Variants in QTGAL observed in about 807,000 individuals in gnomAD.
QTGAL encodes the protein queuosine-tRNA galactosyltransferase.
chr17:83,037,762 G>A, the QTGAL span, among the ~76,000 whole-genome samples: 1 of 152,214 alleles, frequency 6.6e-6, no homozygotes, highest in African/African-American at 2.4e-5. The surrounding 1 kb of genome is among the most constrained non-coding windows in gnomAD (Gnocchi z 5.2). Flanking sequence ...AAGGGTATCC[G>A]TGAGCCTGGG....
chr17:83,036,385 G>A, the QTGAL span, among the ~76,000 whole-genome samples: 1 of 152,232 alleles, frequency 6.6e-6, no homozygotes, highest in Non-Finnish European at 1.5e-5. Context: ...AGGGGCCTGA[G>A]GGGGCTTCTG....
At chr17:83,047,052 A>G in the QTGAL span, among the ~76,000 whole-genome samples, 2 of 152,238 alleles carry the variant, frequency 1.3e-5, no homozygotes, top group African/African-American at 4.8e-5. Context: ...AGTGGTTGCC[A>G]GGGTTGGAAG....
At chr17:82,970,548 C>A in the QTGAL span, among the ~76,000 whole-genome samples, 7 of 125,590 alleles carry the variant, frequency 5.6e-5, no homozygotes, top group African/African-American at 1.9e-4. Context: ...ACCTCCGCAC[C>A]CGGCGTGGCC....
At chr17:83,007,636 A>G in the QTGAL span, among the ~76,000 whole-genome samples, 1 of 151,930 alleles carries the variant, frequency 6.6e-6, no homozygotes, top group African/African-American at 2.4e-5. Flanking sequence ...GGGGCATGAG[A>G]GGCGCCTCTC....
At chr17:82,990,000 A>T in the QTGAL span, among the ~76,000 whole-genome samples, 1 of 152,214 alleles carries the variant, frequency 6.6e-6, no homozygotes, top group South Asian at 2.1e-4. Flanking sequence ...TTCTTTTAAG[A>T]CATGGCTTCC....
the QTGAL span, among the ~76,000 whole-genome samples, chr17:83,032,375 C>A: frequency 1.6e-5 from 2 of 121,302 alleles, 1 homozygote; most frequent in Non-Finnish European, 3.5e-5. Flanking sequence ...AGGCCTCCGA[C>A]CCAGACCGAG....
the QTGAL span, among the ~76,000 whole-genome samples, chr17:83,051,561 C>A: frequency 6.6e-6 from 1 of 152,152 alleles, no homozygotes; most frequent in Non-Finnish European, 1.5e-5. Flanking sequence ...GTCCCCCGCA[C>A]GCGCAGCCGC....
chr17:83,025,165 CG>C, the QTGAL span, among the ~76,000 whole-genome samples: 36 of 99,788 alleles, frequency 3.6e-4, 4 homozygotes, highest in Middle Eastern at 5.7e-3. Flanking sequence ...ACAGACACCG[CG>C]GAGTCCACAC....
At chr17:83,041,798 G>A in the QTGAL span, among the ~76,000 whole-genome samples, 1 of 152,216 alleles carries the variant, frequency 6.6e-6, no homozygotes, top group South Asian at 2.1e-4. Context: ...ATCACAGGCT[G>A]GGGGCCATCT....
At chr17:83,005,156 G>A in the QTGAL span, 255 of 1,610,572 alleles carry the variant, frequency 1.6e-4, 1 homozygote, top group Non-Finnish European at 2.0e-4. This position sits in a 1 kb window ranked among gnomAD's most constrained non-coding sequence, Gnocchi z 5.6. Context: ...TTGATCCAAC[G>A]TGTGTATCGT....
the QTGAL span, among the ~76,000 whole-genome samples, chr17:82,984,709 G>A: frequency 6.6e-6 from 1 of 152,168 alleles, no homozygotes; most frequent in Non-Finnish European, 1.5e-5. Context: ...AATGTCTGTT[G>A]TTTAAGCTGC....
chr17:82,944,487 A>C, the QTGAL span: 1 of 152,288 alleles, frequency 6.6e-6, no homozygotes, highest in African/African-American at 2.4e-5. Context: ...CTATGAACAA[A>C]GATAAAGTGG....
the QTGAL span, among the ~76,000 whole-genome samples, chr17:83,031,675 G>A: frequency 2.0e-5 from 3 of 152,370 alleles, no homozygotes; most frequent in South Asian, 4.1e-4. Context: ...TGACGAGAAC[G>A]GTGTGCAGGG....
the QTGAL span, among the ~76,000 whole-genome samples, chr17:82,958,878 C>T: frequency 2.1e-5 from 1 of 46,824 alleles, no homozygotes; most frequent in African/African-American, 1.1e-4. Context: ...TGTGTGTGTA[C>T]ACTGGGGGTG....
At chr17:82,961,348 C>A in the QTGAL span, 1 of 658,742 alleles carries the variant, frequency 1.5e-6, no homozygotes, top group Non-Finnish European at 2.2e-6. Context: ...GCGGCGACCA[C>A]AACAGACGTG....
chr17:83,036,312 C>T, the QTGAL span, among the ~76,000 whole-genome samples: 9 of 152,178 alleles, frequency 5.9e-5, no homozygotes, highest in African/African-American at 1.4e-4. Context: ...CGAGGGCAGC[C>T]GAAATTCTTC....
the QTGAL span, chr17:82,978,777 C>G: frequency 6.6e-6 from 1 of 152,114 alleles, no homozygotes; most frequent in Non-Finnish European, 1.5e-5. The surrounding 1 kb of genome is among the most constrained non-coding windows in gnomAD (Gnocchi z 4.8). Context: ...CCAGTTGAGT[C>G]TAGAGACAAG....
chr17:82,957,952 CTCCCTCTGCTG>C, the QTGAL span, among the ~76,000 whole-genome samples: 1 of 152,158 alleles, frequency 6.6e-6, no homozygotes, highest in African/African-American at 2.4e-5. Context: ...GGTCTCTGTT[CTCCCTCTGCTG>C]TGACAAGTCG....
the QTGAL span, among the ~76,000 whole-genome samples, chr17:82,984,071 G>A: frequency 1.4e-5 from 2 of 138,440 alleles, no homozygotes; most frequent in Non-Finnish European, 3.2e-5. Context: ...TGATCACGCA[G>A]GGGAGAGGCC....
Sources: allele counts gnomAD v4.1 joint callset (sites outside exome capture counted in the v4.1 genomes callset), GRCh38; gene constraint gnomAD v4.1.1; non-coding constraint Gnocchi (gnomAD v3.1); transcripts MANE v1.5; gene names NCBI Gene and HGNC (gene_info 2026-07-23, HGNC 2026-07-21).